The following SYF2 variants were observed in gnomAD, a reference collection of about 807,000 sequenced individuals.
The protein encoded by SYF2 is pre-mRNA-splicing factor SYF2.
Under a neutral mutation model 32.7 loss-of-function variants are expected in SYF2, and 21 were observed. The ratio of observed to expected loss-of-function variants is 0.64; its 90% CI spans 0.45 to 0.92. The LOEUF is 0.92. SYF2 is among the 40% of genes least tolerant of loss of function. SYF2 has a pLI of 0.00. For synonymous variants in SYF2, 114 were observed against 103.9 expected (o/e 1.10, Z -0.59); for missense variants, 278 against 296.5 (o/e 0.94, Z 0.46).
Position 25,228,199 on chromosome 1 carries a change from T to C in SYF2, c.295A>G (p.Lys99Glu). ...TCTTCTGCACTGATCTCCAGCAACT[T>C]CACTTTCTCATAGTCTTCTCCTCTT... ...AARGEDYEKVKLLEISAEDAE... is the reference protein window; with the variant it reads ...AARGEDYEKVELLEISAEDAE... The change falls in exon 4 of 7, where the codon AAG becomes GAG. Residue 99 changes from lysine to glutamate, a missense_variant. Physicochemically the swap from Lys to Glu is moderately conservative, Grantham distance 56. Coordinates refer to ENST00000236273, the MANE Select transcript of SYF2 (RefSeq NM_015484.5). 6.2e-7 allele frequency: 1 copy of C among 1,613,582 alleles called. No individual in the cohort carries two copies. The highest frequency in any genetic ancestry group is 8.5e-7 in the Non-Finnish European group (1 of 1,179,988).
intron 5 of SYF2, among the ~76,000 whole-genome samples, chr1:25,226,561 T>C (rs1392923652): frequency 6.6e-6 from 1 of 152,190 alleles, no homozygotes; most frequent in Non-Finnish European, 1.5e-5. Context: ...CCTAAAATAA[T>C]ATCTAAGTAA....
intron 2 of SYF2, chr1:25,230,258 G>A (rs2124513421): frequency 6.6e-6 from 1 of 151,364 alleles, no homozygotes; most frequent in Admixed American, 6.6e-5. Context: ...AATGAAAAAT[G>A]AAAGGAATTT....
rs201199963 is a variant in SYF2 at position 25,229,036 on chromosome 1, G to A, written c.220C>T (p.Arg74Cys). 2 of 1,613,688 alleles carry A rather than the reference G, an allele frequency of 1.2e-6. No individual in the cohort carries two copies. The highest frequency in any genetic ancestry group is 1.3e-5 in the African/African-American group (1 of 74,952). The change falls in exon 3 of 7, where the codon CGT becomes TGT. Residue 74 changes from arginine (R) to cysteine (C), a missense_variant. By Grantham distance (180) the Arg-to-Cys change is radical. Coordinates refer to ENST00000236273, the MANE Select transcript of SYF2 (RefSeq NM_015484.5). ...TCTTCCTTTAGTTCCCACTCCAAAC[G>A]AGCTTTTTTGGCTTCCCAATTTGCA... Reference protein sequence around the residue: ...LPANWEAKKARLEWELKEEEK... With the variant: ...LPANWEAKKACLEWELKEEEK...
chr1:25,227,163 A>T (rs1185758520), intron 5 of SYF2, among the ~76,000 whole-genome samples: 1 of 152,026 alleles, frequency 6.6e-6, no homozygotes, highest in Non-Finnish European at 1.5e-5. Context: ...GGCGCCTGTA[A>T]TCCCAGCTAC....
At chr1:25,227,878 A>G (rs1390760290) in intron 4 of SYF2, among the ~76,000 whole-genome samples, 2 of 152,238 alleles carry the variant, frequency 1.3e-5, no homozygotes, top group Admixed American at 6.5e-5. Flanking sequence ...TCTATCCTGA[A>G]GATGCTGACA....
At chr1:25,232,257 C>T (rs769617954) in intron 1 of SYF2, 46 bp from the exon 2 acceptor site, 25 of 1,575,120 alleles carry the variant, frequency 1.6e-5, no homozygotes, top group Middle Eastern at 3.9e-4. Flanking sequence ...CTCAGCTTCT[C>T]CCAGGACTGC....
intron 2 of SYF2, 30 bp downstream of exon 2, chr1:25,232,074 G>A: frequency 1.2e-6 from 2 of 1,603,914 alleles, no homozygotes; most frequent in Non-Finnish European, 1.7e-6. Context: ...GCCAGATGAC[G>A]GATCTAAGCC....
rs1185087990 is a variant in SYF2 at position 25,225,007 on chromosome 1, T to C, written c.561A>G (p.Glu187=). The C allele has an allele frequency of 6.2e-7, 1 of 1,611,598 alleles. No homozygotes were observed. The change falls in exon 6 of 7, where the codon GAA becomes GAG. Residue 187 remains glutamate, a synonymous_variant. Transcript: ENST00000236273. ...CTGCTCTACTGAATACTTACTGTTTTTCCAGATCTATGACCATCCTGTCAA... is the reference window on the plus strand; with the variant it reads ...CTGCTCTACTGAATACTTACTGTTTCTCCAGATCTATGACCATCCTGTCAA... ...EEIDRMVIDL[E]KQIEKRDKYS...
intron 4 of SYF2, 152 bp from the exon 5 acceptor site, chr1:25,227,684 C>A (rs1638540479): frequency 1.5e-6 from 1 of 657,542 alleles, no homozygotes; most frequent in Admixed American, 3.2e-5. Flanking sequence ...TTTGGAATAT[C>A]TTTATTATAC....
intron 5 of SYF2, 81 bp downstream of exon 5, chr1:25,227,361 G>A (rs1459204629): frequency 2.7e-6 from 3 of 1,116,986 alleles, no homozygotes; most frequent in Non-Finnish European, 4.0e-6. Context: ...TAGCATTAAA[G>A]CATGTTTCTA....
At chr1:25,226,013 C>T (rs1469225300) in intron 5 of SYF2, among the ~76,000 whole-genome samples, 1 of 151,658 alleles carries the variant, frequency 6.6e-6, no homozygotes, top group Non-Finnish European at 1.5e-5. Flanking sequence ...AAAAAATTAG[C>T]CAGGCGTGGT....
chr1:25,228,907 A>G (rs1638570422), intron 3 of SYF2, 91 bp downstream of exon 3: 5 of 1,474,654 alleles, frequency 3.4e-6, no homozygotes, highest in Non-Finnish European at 2.7e-6. Context: ...AGCTTGGCCT[A>G]AGAGCCAGTG....
chr1:25,227,376 T>G, intron 5 of SYF2, 66 bp downstream of exon 5: 3 of 1,245,986 alleles, frequency 2.4e-6, no homozygotes, highest in Non-Finnish European at 3.5e-6. Flanking sequence ...TTTCTATTTA[T>G]GTACATGTAT....
intron 3 of SYF2, 93 bp from the exon 4 acceptor site, chr1:25,228,328 A>G: frequency 9.3e-7 from 1 of 1,071,976 alleles, no homozygotes; most frequent in Non-Finnish European, 1.4e-6. Context: ...AATATCAACC[A>G]ATACTTTAAT....
rs772095602 is a variant in SYF2, at chr1:25,223,449, T to C, written c.567-18A>G. On this transcript the variant is annotated intron_variant, in intron 6 of 6. Transcript: ENST00000236273. ...TTTCAATCCTGGGGAAAGAAGAAAA[T>C]TTACAAAATTCAAAATTGCCTTCTC... 2.5e-6 allele frequency: 4 copies of C among 1,591,646 alleles called. No homozygotes were observed. Among genetic ancestry groups the C allele is most frequent in the Non-Finnish European group, 3.4e-6 (4 of 1,172,200 alleles).
chr1:25,227,533 C>A lies in SYF2; in HGVS notation c.377-1G>T, dbSNP rs1638537364. On this transcript the variant is annotated splice_acceptor_variant, in intron 4 of 6. Transcript: ENST00000236273. LOFTEE classifies it high-confidence loss of function. ...TGGCGTAACTGGGCAGCAGCATAAT[C>A]TAAAAATATAAAATGAGAATCAGCG... The A allele has an allele frequency of 6.2e-7, 1 of 1,611,122 alleles. No homozygotes were observed. Among genetic ancestry groups the A allele is most frequent in the Non-Finnish European group, 8.5e-7 (1 of 1,179,116 alleles).
intron 2 of SYF2, chr1:25,230,802 A>G (rs931137785): frequency 3.9e-5 from 6 of 151,940 alleles, no homozygotes; most frequent in African/African-American, 1.5e-4. Context: ...GGGGCTTTCT[A>G]CAATTAGGTA....
In SYF2 at chr1:25,232,197, G is replaced by A. The variant is rs1221197386; in HGVS notation, c.39C>T (p.Ser13=). 6.2e-7 allele frequency: 1 copy of A among 1,613,534 alleles called. No individual in the cohort carries two copies. The highest frequency in any genetic ancestry group is 8.5e-7 in the Non-Finnish European group (1 of 1,179,946). The change falls in exon 2 of 7, where the codon AGC becomes AGT. Residue 13 remains serine (S), a synonymous_variant. Coordinates refer to ENST00000236273, the MANE Select transcript of SYF2 (RefSeq NM_015484.5). ...CCGCAGCGAGGGACCCCTCCTCCGCGCTGTCCACCAGCACCTGCGACAAGG... is the reference window on the plus strand; with the variant it reads ...CCGCAGCGAGGGACCCCTCCTCCGCACTGTCCACCAGCACCTGCGACAAGG... The part of the protein sequence containing the change: ...AIAASEVLVD[S]AEEGSLAAAA...
intron 2 of SYF2, chr1:25,231,789 C>T: frequency 2.3e-6 from 1 of 436,946 alleles, no homozygotes; most frequent in South Asian, 2.3e-5. Context: ...ACATATTTCC[C>T]TAGGTAAAAT....
Sources: gnomAD v4.1 joint callset for allele counts (sites outside exome capture counted in the v4.1 genomes callset) on GRCh38, gnomAD v4.1.1 for gene constraint, MANE v1.5 for transcripts, NCBI Gene and HGNC (gene_info 2026-07-23, HGNC 2026-07-21) for gene names.